The following PTH2R variants were observed in gnomAD, a reference collection of about 807,000 sequenced individuals.
The protein encoded by PTH2R is parathyroid hormone 2 receptor.
A neutral mutation model predicts 60.3 loss-of-function variants in PTH2R; 59 were observed. The ratio of observed to expected loss-of-function variants is 0.98; its 90% confidence interval spans 0.79 to 1.22. The LOEUF is 1.22. Ranked by LOEUF, PTH2R falls within the 50% of genes most tolerant of loss-of-function variation. PTH2R has a pLI of 0.00. For missense variants in PTH2R, 749 were observed against 682.6 expected (o/e 1.10, Z -1.08); for synonymous variants, 256 against 243.8 (o/e 1.05, Z -0.47).
intron 6 of PTH2R, among the ~76,000 whole-genome samples, chr2:208,444,446 G>C (rs1468145663): frequency 1.3e-5 from 2 of 152,124 alleles, no homozygotes; most frequent in African/African-American, 4.8e-5. Context: ...CTAATTTTCT[G>C]TGATGGTCGT....
intron 1 of PTH2R, among the ~76,000 whole-genome samples, chr2:208,421,790 T>G (rs1382893712): frequency 6.6e-6 from 1 of 152,168 alleles, no homozygotes; most frequent in Non-Finnish European, 1.5e-5. Flanking sequence ...AGAAAGTTCA[T>G]AAAACTGATT....
chr2:208,431,984 T>C (rs943474152), intron 2 of PTH2R, among the ~76,000 whole-genome samples: 3 of 152,234 alleles, frequency 2.0e-5, no homozygotes, highest in African/African-American at 7.2e-5. Context: ...GAGGAAGCTT[T>C]CTGAATGGCT....
chr2:208,417,063 A>G (rs925438214), intron 1 of PTH2R, among the ~76,000 whole-genome samples: 1 of 152,172 alleles, frequency 6.6e-6, no homozygotes, highest in African/African-American at 2.4e-5. Flanking sequence ...AGGGATGAAG[A>G]AAAAAAGAGT....
intron 1 of PTH2R, among the ~76,000 whole-genome samples, chr2:208,369,272 A>G (rs1261870232): frequency 1.3e-5 from 2 of 151,866 alleles, no homozygotes; most frequent in Non-Finnish European, 2.9e-5. Context: ...TGCCAACATG[A>G]TTGATGATAA....
intron 2 of PTH2R, among the ~76,000 whole-genome samples, chr2:208,431,723 C>G (rs536230289): frequency 1.2e-4 from 18 of 152,284 alleles, no homozygotes; most frequent in African/African-American, 4.3e-4. Flanking sequence ...GGGATACTGA[C>G]TTTCTAGAGG....
chr2:208,445,410 C>G (rs1023048320), intron 7 of PTH2R, among the ~76,000 whole-genome samples: 2 of 152,104 alleles, frequency 1.3e-5, no homozygotes, highest in African/African-American at 4.8e-5. Flanking sequence ...CAAATTACTT[C>G]TGGCATAAGT....
chr2:208,378,838 G>A lies in PTH2R; in HGVS notation c.-259+18601G>A, dbSNP rs576371543. Among the ~76,000 whole-genome samples, 37 of 152,244 alleles carry A rather than the reference G, an allele frequency of 2.4e-4. No individual in the cohort carries two copies. The South Asian group carries it at 6.0e-3, about 25-fold the overall frequency. On this transcript the variant is annotated intron_variant, in intron 1 of 12. Coordinates refer to the PTH2R transcript ENST00000617735. Reference sequence around the variant, plus strand: ...GGCAAGAGGAGGACAGTGCACCTGAGTTATACATTGGGCAAGTCATTTACC... The same window carrying A: ...GGCAAGAGGAGGACAGTGCACCTGAATTATACATTGGGCAAGTCATTTACC...
rs370084875 is a variant in PTH2R at position 208,437,774 on chromosome 2, C to A, written c.304C>A (p.His102Asn). Residue 102 changes from histidine (H) to asparagine (N), a missense_variant, in exon 4 of 13, where the codon CAC becomes AAC. Physicochemically the swap from His to Asn is moderately conservative, Grantham distance 68. Transcript: ENST00000272847. ...DFNHKGVAFRHCNPNGTWDFM... is the reference protein window; with the variant it reads ...DFNHKGVAFRNCNPNGTWDFM... Reference sequence around the variant, plus strand: ...TGTCTTTACAGGAGTTGCTTTCCGACACTGTAACCCCAATGGAACATGGGA... The same window carrying A: ...TGTCTTTACAGGAGTTGCTTTCCGAAACTGTAACCCCAATGGAACATGGGA... The A allele has an allele frequency of 1.9e-5, 31 of 1,612,660 alleles. No individual in the cohort carries two copies. The highest frequency in any genetic ancestry group is 2.7e-5 in the African/African-American group (2 of 74,928).
intron 9 of PTH2R, among the ~76,000 whole-genome samples, chr2:208,474,888 A>G (rs1460941965): frequency 6.6e-6 from 1 of 152,178 alleles, no homozygotes; most frequent in Non-Finnish European, 1.5e-5. Flanking sequence ...TCTGTATGAG[A>G]GACTGTACTC....
At chr2:208,405,844 T>C (rs1367253014), upstream of PTH2R, among the ~76,000 whole-genome samples, 2 of 152,174 alleles carry the variant, frequency 1.3e-5, no homozygotes, top group African/African-American at 4.8e-5. Context: ...AAATCCCTCA[T>C]CCCTTCTGCC....
chr2:208,452,490 A>G (rs1249742163), intron 8 of PTH2R, among the ~76,000 whole-genome samples: 2 of 152,150 alleles, frequency 1.3e-5, no homozygotes, highest in African/African-American at 4.8e-5. Flanking sequence ...CTAGCTTATA[A>G]TATTTTGATT....
At chr2:208,362,763 T>G (rs1161107653) in intron 1 of PTH2R, among the ~76,000 whole-genome samples, 1 of 152,228 alleles carries the variant, frequency 6.6e-6, no homozygotes, top group African/African-American at 2.4e-5. Flanking sequence ...TTTTCCATAA[T>G]GGTTGCACCA....
chr2:208,437,868 T>C lies in PTH2R; in HGVS notation c.398T>C (p.Ile133Thr), dbSNP rs750109573. ...TGCCTTCGCTTTCTGCAGCCAGATA[T>C]CAGCATAGGAAAGGTAATGGAATTT... ...SDCLRFLQPD[I>T]SIGKQEFFER... The change falls in exon 4 of 13, where the codon ATC becomes ACC. Residue 133 changes from isoleucine to threonine, a missense_variant. By Grantham distance (89) the Ile-to-Thr change is moderately conservative. Coordinates refer to ENST00000272847, the MANE Select transcript of PTH2R (RefSeq NM_005048.4). 1 of 1,613,514 alleles carries C rather than the reference T, an allele frequency of 6.2e-7. No homozygotes were observed.
intron 10 of PTH2R, among the ~76,000 whole-genome samples, chr2:208,487,282 C>G (rs1362144130): frequency 6.6e-6 from 1 of 152,186 alleles, no homozygotes; most frequent in East Asian, 1.9e-4. Context: ...GAACCTGAAT[C>G]AAGATCTCTG....
At chr2:208,409,743 C>T (rs1701501654) in intron 1 of PTH2R, among the ~76,000 whole-genome samples, 1 of 152,142 alleles carries the variant, frequency 6.6e-6, no homozygotes, top group Non-Finnish European at 1.5e-5. Context: ...TCTCAAAGCA[C>T]AGTTCAAAAC....
chr2:208,367,157 A>C (rs1435120443), intron 1 of PTH2R, among the ~76,000 whole-genome samples: 16 of 151,538 alleles, frequency 1.1e-4, no homozygotes, highest in Non-Finnish European at 2.9e-5. Flanking sequence ...GCAATGGTGC[A>C]GTCTCTGCTC....
chr2:208,419,056 A>T (rs1202452484), intron 1 of PTH2R, among the ~76,000 whole-genome samples: 1 of 152,228 alleles, frequency 6.6e-6, no homozygotes. Flanking sequence ...TGGCTGGGTC[A>T]AATGGTATTT....
At chr2:208,371,926 C>T (rs4675763) in intron 1 of PTH2R, among the ~76,000 whole-genome samples, 73,257 of 151,470 alleles carry the variant, frequency 0.48, 18,793 homozygotes, top group Admixed American at 0.57. Context: ...ATAGTTGACA[C>T]TGATTGATTG....
chr2:208,370,876 T>C (rs1700688929), intron 1 of PTH2R, among the ~76,000 whole-genome samples: 1 of 152,010 alleles, frequency 6.6e-6, no homozygotes, highest in African/African-American at 2.4e-5. Context: ...TGTATAGGCA[T>C]GGCATCAGTA....
Sources: allele counts gnomAD v4.1 joint callset (sites outside exome capture counted in the v4.1 genomes callset), GRCh38; gene constraint gnomAD v4.1.1; transcripts MANE v1.5; gene names NCBI Gene and HGNC (gene_info 2026-07-23, HGNC 2026-07-21).